The following NRXN1 variants were observed in gnomAD, a reference collection of about 807,000 sequenced individuals.
The protein encoded by NRXN1 is neurexin 1, also known as neurexin-1.
NRXN1 carries 39 observed loss-of-function variants against 150.9 expected under a neutral mutation model. The ratio of observed to expected loss-of-function variants is 0.26; its 90% CI spans 0.20 to 0.34. NRXN1 has a LOEUF of 0.34. Ranked by LOEUF, NRXN1 falls within the 10% of genes least tolerant of loss-of-function variation. The probability of loss-of-function intolerance (pLI) is 1.00; values close to 1 mark genes in which losing one functional copy is unlikely to be tolerated. For synonymous variants in NRXN1, 924 were observed against 757.0 expected (o/e 1.22, Z -3.62); for missense variants, 1,815 against 1,949.9 (o/e 0.93, Z 1.30).
chr2:50,921,599 A>AT (rs1245020020), intron 5 of NRXN1, among the ~76,000 whole-genome samples: 3 of 151,780 alleles, frequency 2.0e-5, no homozygotes, highest in Non-Finnish European at 2.9e-5. Flanking sequence ...AGAAACTGAC[A>AT]CCGAAACTTG....
chr2:50,823,332 T>A (rs1177725282), intron 5 of NRXN1, among the ~76,000 whole-genome samples: 5 of 152,098 alleles, frequency 3.3e-5, no homozygotes, highest in Non-Finnish European at 5.9e-5. Flanking sequence ...AGACCTGGGG[T>A]TGCTGAAGAT....
At chr2:50,831,829 T>C (rs1337426112) in intron 5 of NRXN1, among the ~76,000 whole-genome samples, 2 of 152,200 alleles carry the variant, frequency 1.3e-5, no homozygotes, top group Non-Finnish European at 2.9e-5. Flanking sequence ...ATTGTACTTT[T>C]CCCAAGAGCA....
chr2:50,026,859 C>CTTTCTTTTTT (rs1688381537), intron 21 of NRXN1, among the ~76,000 whole-genome samples: 2 of 65,234 alleles, frequency 3.1e-5, no homozygotes, highest in Non-Finnish European at 5.3e-5. Context: ...CTTTTCTTTT[C>CTTTCTTTTTT]TTTTTTTTTT....
At chr2:50,896,647 G>C (rs1682003271) in intron 5 of NRXN1, among the ~76,000 whole-genome samples, 1 of 152,126 alleles carries the variant, frequency 6.6e-6, no homozygotes, top group Non-Finnish European at 1.5e-5. Flanking sequence ...AGGAGTTCAA[G>C]ATCAGACTGG....
At chr2:50,985,232 G>A (rs1253679804) in intron 2 of NRXN1, 1 of 151,816 alleles carries the variant, frequency 6.6e-6, no homozygotes. Flanking sequence ...ATCCATGATA[G>A]GTATTCTCAA....
At chr2:50,655,399 GC>G (rs1686277701) in intron 5 of NRXN1, among the ~76,000 whole-genome samples, 1 of 151,908 alleles carries the variant, frequency 6.6e-6, no homozygotes, top group Non-Finnish European at 1.5e-5. Context: ...CTAGCTTACA[GC>G]CTAGGAATAA....
At chr2:50,314,776 C>T (rs1215311734) in intron 17 of NRXN1, among the ~76,000 whole-genome samples, 4 of 151,788 alleles carry the variant, frequency 2.6e-5, no homozygotes, top group Admixed American at 2.0e-4. Context: ...AGAGTAATGC[C>T]GAAGATCAGA....
chr2:50,372,842 G>A (rs2080125767), intron 17 of NRXN1, among the ~76,000 whole-genome samples: 3 of 152,010 alleles, frequency 2.0e-5, no homozygotes, highest in Non-Finnish European at 1.5e-5. Flanking sequence ...ACTGTTAGAA[G>A]CAACATTGAT....
chr2:50,168,463 A>G (rs922743056), intron 18 of NRXN1, among the ~76,000 whole-genome samples: 1 of 152,212 alleles, frequency 6.6e-6, no homozygotes, highest in Non-Finnish European at 1.5e-5. Flanking sequence ...CGTCACATAA[A>G]TGTAGAGAGA....
chr2:50,703,373 G>C (rs1694022096), intron 5 of NRXN1, among the ~76,000 whole-genome samples: 1 of 152,042 alleles, frequency 6.6e-6, no homozygotes, highest in Non-Finnish European at 1.5e-5. Flanking sequence ...CTCTGCACCA[G>C]GTATTTCTAG....
intron 21 of NRXN1, among the ~76,000 whole-genome samples, chr2:50,047,162 A>G (rs1476663239): frequency 6.6e-6 from 1 of 152,104 alleles, no homozygotes; most frequent in Non-Finnish European, 1.5e-5. Flanking sequence ...GAATAAAGGC[A>G]ATACGTAAGA....
chr2:50,275,487 T>C (rs2070312978), intron 17 of NRXN1, among the ~76,000 whole-genome samples: 1 of 152,030 alleles, frequency 6.6e-6, no homozygotes, highest in African/African-American at 2.4e-5. Flanking sequence ...TTTAAATATT[T>C]AAAGTTTCAG....
chr2:50,777,770 T>C (rs1703845077), intron 5 of NRXN1, among the ~76,000 whole-genome samples: 1 of 152,130 alleles, frequency 6.6e-6, no homozygotes, highest in Non-Finnish European at 1.5e-5. Context: ...AGTAGCATGA[T>C]GAAATAAAAA....
chr2:50,457,184 A>G (rs939917339), intron 17 of NRXN1, among the ~76,000 whole-genome samples: 9 of 152,160 alleles, frequency 5.9e-5, no homozygotes, highest in Non-Finnish European at 1.3e-4. Flanking sequence ...TCACTCTGAA[A>G]TTTTAACTCA....
intron 19 of NRXN1, among the ~76,000 whole-genome samples, chr2:50,065,151 T>C (rs1364541319): frequency 6.6e-6 from 1 of 152,136 alleles, no homozygotes; most frequent in Non-Finnish European, 1.5e-5. Flanking sequence ...ATGTATTGAG[T>C]AGCTTCATGT....
At chr2:50,848,830 T>A (rs2105965693) in intron 5 of NRXN1, among the ~76,000 whole-genome samples, 1 of 152,200 alleles carries the variant, frequency 6.6e-6, no homozygotes, top group Non-Finnish European at 1.5e-5. Context: ...GATTAGTGCA[T>A]AAACTGGCTG....
At chr2:51,029,958 G>C (rs535094489) in intron 1 of NRXN1, among the ~76,000 whole-genome samples, 1 of 152,172 alleles carries the variant, frequency 6.6e-6, no homozygotes, top group African/African-American at 2.4e-5. Flanking sequence ...CAGAAGAGCT[G>C]TTGGCATGTA....
chr2:50,065,367 T>C (rs1379097549), intron 19 of NRXN1, among the ~76,000 whole-genome samples: 1 of 152,128 alleles, frequency 6.6e-6, no homozygotes, highest in African/African-American at 2.4e-5. Flanking sequence ...GGAATAGTTA[T>C]AAAGTAATAT....
At chr2:50,335,890 GT>G (rs5831112) in intron 17 of NRXN1, among the ~76,000 whole-genome samples, 68,307 of 145,270 alleles carry the variant, frequency 0.47, 16,125 homozygotes, top group African/African-American at 0.57. Context: ...AGTCCTTTCT[GT>G]TTTTTTTTTT....
Sources: gnomAD v4.1 joint callset for allele counts (sites outside exome capture counted in the v4.1 genomes callset) on GRCh38, gnomAD v4.1.1 for gene constraint, MANE v1.5 for transcripts, NCBI Gene and HGNC (gene_info 2026-07-23, HGNC 2026-07-21) for gene names.